The following ADAMTS17 variants were observed in gnomAD, a reference collection of about 807,000 sequenced individuals.
ADAMTS17 encodes the protein ADAM metallopeptidase with thrombospondin type 1 motif 17.
In ADAMTS17, 113 loss-of-function variants were observed where a neutral mutation model predicts 141.5. The observed-to-expected ratio is 0.80, with a 90% confidence interval of 0.69 to 0.93. The LOEUF (loss-of-function observed/expected upper bound fraction) is 0.93, where lower values mean the gene tolerates loss of function less well. ADAMTS17 is among the 40% of genes least tolerant of loss of function. ADAMTS17 has a pLI of 0.00. For synonymous variants in ADAMTS17, 768 were observed against 630.6 expected (o/e 1.22, Z -3.27); for missense variants, 1,659 against 1,517.9 (o/e 1.09, Z -1.54).
At chr15:100,177,862 G>T (rs913496035) in intron 8 of ADAMTS17, among the ~76,000 whole-genome samples, 2 of 152,064 alleles carry the variant, frequency 1.3e-5, no homozygotes, top group African/African-American at 4.8e-5. Flanking sequence ...TACGTTAAAG[G>T]TTGTTGTATC....
intron 3 of ADAMTS17, among the ~76,000 whole-genome samples, chr15:100,293,033 T>A (rs1009486563): frequency 2.6e-5 from 4 of 152,334 alleles, no homozygotes; most frequent in Middle Eastern, 3.4e-3. Context: ...TTTAATTATA[T>A]CTTATAGGAA....
At position 100,116,132 on chromosome 15, in the gene ADAMTS17, T is replaced by TAAAAAAAAAAAA. The variant is rs34003703; in HGVS notation, c.1888+703_1888+714dup. Among the ~76,000 whole-genome samples the TAAAAAAAAAAAA allele has an allele frequency of 2.1e-3, 178 of 84,730 alleles. 7 individuals are homozygous for TAAAAAAAAAAAA. Among genetic ancestry groups the TAAAAAAAAAAAA allele is most frequent in the Admixed American group, 0.01 (83 of 7,960 alleles). 55.6% of individuals were successfully genotyped at this position (84,730 alleles called of 152,430 possible). A position where few individuals can be genotyped will look rare whatever the true frequency, so the allele number is the denominator to read the frequency against. ...TTTCCTAAAGAAGAACAGTTTTAGGTAAAAAAAAAAAAAAAAAAAAAAAAA... is the reference window on the plus strand; with the variant it reads ...TTTCCTAAAGAAGAACAGTTTTAGGTAAAAAAAAAAAAAAAAAAAAAAAAAAAAAAAAAAAAA... On this transcript the variant is annotated intron_variant, in intron 13 of 21. Transcript: ENST00000268070.
chr15:100,022,537 C>G (rs973032351), intron 18 of ADAMTS17, among the ~76,000 whole-genome samples: 10 of 152,122 alleles, frequency 6.6e-5, no homozygotes, highest in African/African-American at 2.4e-4. Context: ...CAGCAGCTGC[C>G]GGGCAGATGT....
intron 6 of ADAMTS17, among the ~76,000 whole-genome samples, chr15:100,259,451 C>T (rs896495201): frequency 6.6e-6 from 1 of 152,234 alleles, no homozygotes; most frequent in Non-Finnish European, 1.5e-5. Context: ...GCAGCCACTG[C>T]TCTTGGGGAG....
In ADAMTS17 at chr15:100,254,283, T is replaced by G. The variant is rs139419366; in HGVS notation, c.1032-104A>C. The stretch of plus-strand genomic sequence containing the variant: ...AAGTAGTCATCCTGCAATGTTATTT[T>G]TCCAGTGGACACAGGCCACAGCGAA... On this transcript the variant is annotated intron_variant, in intron 6 of 21. Coordinates refer to ENST00000268070, the MANE Select transcript of ADAMTS17 (RefSeq NM_139057.4). 772 of 1,070,910 alleles carry G rather than the reference T, an allele frequency of 7.2e-4. 4 individuals carry two copies. In the African/African-American group the frequency reaches 0.011, roughly 15 times the overall value. The allele number at this position is 1,070,910 out of a possible 1,614,324, so 66.3% of individuals were successfully genotyped here.
intron 7 of ADAMTS17, among the ~76,000 whole-genome samples, chr15:100,217,886 A>G (rs2042017669): frequency 6.6e-6 from 1 of 152,206 alleles, no homozygotes; most frequent in Non-Finnish European, 1.5e-5. Context: ...AAAAGGAATG[A>G]CTGAATGATT....
At chr15:100,167,224 A>G (rs1440677179) in intron 8 of ADAMTS17, among the ~76,000 whole-genome samples, 2 of 152,212 alleles carry the variant, frequency 1.3e-5, no homozygotes, top group Admixed American at 1.3e-4. Flanking sequence ...ATTGGATATC[A>G]TCATAGCATA....
chr15:100,335,352 G>T (rs79398357), intron 2 of ADAMTS17, among the ~76,000 whole-genome samples: 1 of 152,044 alleles, frequency 6.6e-6, no homozygotes, highest in Non-Finnish European at 1.5e-5. Flanking sequence ...TCCACTCATG[G>T]GTCCCTTATC....
chr15:100,222,917 G>T (rs2042179355), intron 7 of ADAMTS17, among the ~76,000 whole-genome samples: 1 of 152,174 alleles, frequency 6.6e-6, no homozygotes, highest in African/African-American at 2.4e-5. Flanking sequence ...CTTCTAACAT[G>T]GACACACTTT....
At chr15:100,284,478 A>G (rs2044383461) in intron 3 of ADAMTS17, among the ~76,000 whole-genome samples, 1 of 152,198 alleles carries the variant, frequency 6.6e-6, no homozygotes, top group African/African-American at 2.4e-5. Context: ...TTGCCACAAA[A>G]TGAGTGTTGA....
In ADAMTS17 at chr15:100,228,637, A is replaced by C. The variant is rs184749819; in HGVS notation, c.1075+25499T>G. Among the ~76,000 whole-genome samples the C allele has an allele frequency of 1.2e-4, 18 of 152,346 alleles. No individual in the cohort carries two copies. In the East Asian group the frequency reaches 3.5e-3, roughly 29 times the overall value. On this transcript the variant is annotated intron_variant, in intron 7 of 21. Transcript: ENST00000268070. ...GAGACCACGAGAGAGCGCTGAACAG[A>C]CACAGGCAGGTGAGGGCATGAAACG...
At chr15:100,133,614 GCAGCAGCCCC>G (rs2038172450) in intron 10 of ADAMTS17, among the ~76,000 whole-genome samples, 1 of 152,256 alleles carries the variant, frequency 6.6e-6, no homozygotes, top group African/African-American at 2.4e-5. Flanking sequence ...CTGGCCAGGA[GCAGCAGCCCC>G]TGCCTCCCAG....
intron 18 of ADAMTS17, among the ~76,000 whole-genome samples, chr15:100,031,503 G>A (rs2141487521): frequency 6.6e-6 from 1 of 152,330 alleles, no homozygotes; most frequent in East Asian, 1.9e-4. Context: ...TACCTAGAGA[G>A]GGTGAATGAT....
At chr15:100,103,310 G>A (rs1312250011) in intron 14 of ADAMTS17, among the ~76,000 whole-genome samples, 2 of 152,220 alleles carry the variant, frequency 1.3e-5, no homozygotes, top group South Asian at 4.1e-4. Flanking sequence ...GGGGAGCATC[G>A]TGAAGATGCA....
chr15:100,035,408 C>T (rs73472442), intron 18 of ADAMTS17, among the ~76,000 whole-genome samples: 1,646 of 152,282 alleles, frequency 0.011, 35 homozygotes, highest in African/African-American at 0.037. Flanking sequence ...GAAAGACTTA[C>T]CCTGTCTGTG....
chr15:100,261,445 T>C (rs1396914364), intron 6 of ADAMTS17, 34 bp downstream of exon 6: 5 of 1,613,158 alleles, frequency 3.1e-6, no homozygotes, highest in Non-Finnish European at 4.2e-6. Context: ...CTTTTCCCTC[T>C]CACATGTCAG....
chr15:100,230,957 T>C (rs1471039962), intron 7 of ADAMTS17, among the ~76,000 whole-genome samples: 1 of 152,036 alleles, frequency 6.6e-6, no homozygotes, highest in Non-Finnish European at 1.5e-5. Flanking sequence ...GGATTAGCAA[T>C]AAAGCAAGGT....
intron 15 of ADAMTS17, among the ~76,000 whole-genome samples, chr15:100,067,275 C>A (rs1483924579): frequency 6.6e-6 from 1 of 151,834 alleles, no homozygotes. Flanking sequence ...TCTGTCTCAG[C>A]AATATTCCTT....
At chr15:100,307,284 G>A (rs2045258612) in intron 3 of ADAMTS17, among the ~76,000 whole-genome samples, 1 of 152,120 alleles carries the variant, frequency 6.6e-6, no homozygotes, top group African/African-American at 2.4e-5. Context: ...ACCCAAGCAG[G>A]GCCACTCAAA....
Sources: gnomAD v4.1 joint callset for allele counts (sites outside exome capture counted in the v4.1 genomes callset) on GRCh38, gnomAD v4.1.1 for gene constraint, MANE v1.5 for transcripts, NCBI Gene and HGNC (gene_info 2026-07-23, HGNC 2026-07-21) for gene names.